The following CADM2 variants were observed in gnomAD, a reference collection of about 807,000 sequenced individuals.
CADM2 encodes cell adhesion molecule 2.
A neutral mutation model predicts 49.8 loss-of-function variants in CADM2; 12 were observed. That is an observed-to-expected ratio of 0.24 (90% CI 0.15 to 0.39). CADM2 has a LOEUF of 0.39. Among genes scored for constraint, CADM2 ranks in the 10% least tolerant of loss-of-function variants. The pLI is 1.00. For synonymous variants in CADM2, 214 were observed against 175.4 expected, an observed-to-expected ratio of 1.22 and a Z score of -1.74; for missense variants, 378 against 492.3, an observed-to-expected ratio of 0.77 and a Z score of 2.20.
chr3:85,691,195 G>T (rs1187708316), intron 1 of CADM2, among the ~76,000 whole-genome samples: 1 of 152,100 alleles, frequency 6.6e-6, no homozygotes, highest in Non-Finnish European at 1.5e-5. Context: ...TTCTGTCCCT[G>T]CCTTACTTCA....
chr3:85,265,232 ATTT>A (rs977870237), intron 1 of CADM2, among the ~76,000 whole-genome samples: 1 of 152,036 alleles, frequency 6.6e-6, no homozygotes, highest in African/African-American at 2.4e-5. Context: ...ACATTAAAAT[ATTT>A]TTTAATTAAT....
intron 1 of CADM2, among the ~76,000 whole-genome samples, chr3:85,135,607 A>G (rs955211879): frequency 6.6e-6 from 1 of 152,082 alleles, no homozygotes; most frequent in Non-Finnish European, 1.5e-5. Flanking sequence ...AGCCTCAATA[A>G]GTTTAAGTGG....
At chr3:85,682,384 G>A (rs1250761772) in intron 1 of CADM2, among the ~76,000 whole-genome samples, 1 of 152,014 alleles carries the variant, frequency 6.6e-6, no homozygotes, top group Non-Finnish European at 1.5e-5. Context: ...CTAGGTAATT[G>A]TCTCACAGTT....
chr3:85,788,162 G>C (rs887011893), intron 2 of CADM2, among the ~76,000 whole-genome samples: 3 of 152,008 alleles, frequency 2.0e-5, no homozygotes, highest in Non-Finnish European at 2.9e-5. Flanking sequence ...TGGGAATCCT[G>C]TTCTGGTATA....
intron 1 of CADM2, among the ~76,000 whole-genome samples, chr3:85,209,491 G>A (rs535466246): frequency 6.6e-6 from 1 of 152,068 alleles, no homozygotes; most frequent in African/African-American, 2.4e-5. Flanking sequence ...TTTCTGTAAA[G>A]GTTATTTCTC....
Position 85,310,149 on chromosome 3 carries a change from T to C in CADM2, c.61+350481T>C, listed in dbSNP as rs1366290772. ...CATTCTAGAAAATGTAACCAGCTAC[T>C]GCTCTGTTTCCAAAACGAATACATT... On this transcript the variant is annotated intron_variant, in intron 1 of 9. Transcript: ENST00000383699. 2.0e-5 allele frequency among the ~76,000 whole-genome samples: 3 copies of C among 152,362 alleles called. No individual in the cohort carries two copies. The East Asian group carries it at 5.8e-4, about 29-fold the overall frequency.
intron 1 of CADM2, among the ~76,000 whole-genome samples, chr3:85,523,053 C>G (rs1305887694): frequency 6.6e-6 from 1 of 151,322 alleles, no homozygotes; most frequent in East Asian, 1.9e-4. Context: ...TTGATCAGAC[C>G]CCCACACATT....
intron 3 of CADM2, among the ~76,000 whole-genome samples, chr3:85,878,626 T>C (rs1712271541): frequency 1.3e-5 from 2 of 152,118 alleles, no homozygotes; most frequent in South Asian, 2.1e-4. Flanking sequence ...GAATCAGAAA[T>C]TATTATCACC....
At chr3:85,329,353 G>A (rs2044846073) in intron 1 of CADM2, among the ~76,000 whole-genome samples, 1 of 150,266 alleles carries the variant, frequency 6.7e-6, no homozygotes, top group African/African-American at 2.5e-5. Flanking sequence ...TGGCCAACAT[G>A]GTAAAACCCA....
At chr3:85,863,363 A>G (rs7627287) in intron 3 of CADM2, among the ~76,000 whole-genome samples, 54,637 of 151,908 alleles carry the variant, frequency 0.36, 10,109 homozygotes, top group East Asian at 0.46. Flanking sequence ...GTGATTGCCA[A>G]TGTCACTGCA....
intron 1 of CADM2, among the ~76,000 whole-genome samples, chr3:85,024,463 TAA>T (rs1353805337): frequency 6.6e-6 from 1 of 152,098 alleles, no homozygotes. Context: ...GTTATAATCA[TAA>T]GTTATAAAAA....
chr3:86,036,192 A>ATTTGTG (rs1735133816), intron 8 of CADM2, among the ~76,000 whole-genome samples: 1 of 152,124 alleles, frequency 6.6e-6, no homozygotes, highest in African/African-American at 2.4e-5. Context: ...TATTAAGTCT[A>ATTTGTG]TGCCCACAGG....
intron 1 of CADM2, among the ~76,000 whole-genome samples, chr3:85,441,618 C>T (rs975833149): frequency 3.9e-5 from 6 of 151,988 alleles, no homozygotes; most frequent in African/African-American, 1.4e-4. Context: ...CCCAAATCCC[C>T]CAAATATGAC....
At chr3:85,195,543 AC>A (rs1378933413) in intron 1 of CADM2, among the ~76,000 whole-genome samples, 1 of 24,746 alleles carries the variant, frequency 4.0e-5, no homozygotes, top group African/African-American at 1.6e-4. Flanking sequence ...AACCAGCAAG[AC>A]ACACACACAC....
chr3:85,200,810 G>A (rs997253579), intron 1 of CADM2, among the ~76,000 whole-genome samples: 37 of 151,996 alleles, frequency 2.4e-4, no homozygotes, highest in South Asian at 2.1e-4. Context: ...AACCTGTGTG[G>A]TATTTCCAAT....
At position 85,299,303 on chromosome 3, in the gene CADM2, T is replaced by C. The variant is rs544847906; in HGVS notation, c.61+339635T>C. Among the ~76,000 whole-genome samples the C allele has an allele frequency of 2.6e-5, 4 of 152,174 alleles. No homozygotes were observed. In the East Asian group the frequency reaches 7.7e-4, roughly 29 times the overall value. ...CTATAAATGTAAAACTGGGGATGCA[T>C]ATGGCCAAAAATTATATTCTAATTA... is the stretch of plus-strand genomic sequence containing the variant. On this transcript the variant is annotated intron_variant, in intron 1 of 9. Coordinates refer to ENST00000383699, the MANE Select transcript of CADM2 (RefSeq NM_001167675.2).
chr3:85,050,462 T>G (rs534112978), intron 1 of CADM2, among the ~76,000 whole-genome samples: 1 of 152,314 alleles, frequency 6.6e-6, no homozygotes, highest in Non-Finnish European at 1.5e-5. Flanking sequence ...CATGACTTAT[T>G]ATAATGAATC....
intron 3 of CADM2, among the ~76,000 whole-genome samples, chr3:85,854,682 G>A (rs1343548128): frequency 6.6e-6 from 1 of 152,114 alleles, no homozygotes; most frequent in African/African-American, 2.4e-5. Context: ...TGATGTAGAT[G>A]ACGAGTTGAT....
intron 2 of CADM2, among the ~76,000 whole-genome samples, chr3:85,762,933 A>G (rs894040847): frequency 6.6e-6 from 1 of 151,820 alleles, no homozygotes; most frequent in Non-Finnish European, 1.5e-5. Context: ...ATTTTATTAT[A>G]TATTTTAAAA....
Sources: allele counts gnomAD v4.1 joint callset (sites outside exome capture counted in the v4.1 genomes callset), GRCh38; gene constraint gnomAD v4.1.1; transcripts MANE v1.5; gene names NCBI Gene and HGNC (gene_info 2026-07-23, HGNC 2026-07-21).